Variants in OR56A3 observed in about 807,000 individuals in gnomAD.
The protein encoded by OR56A3 is olfactory receptor 56A3.
In OR56A3, 23 loss-of-function variants were observed where a neutral mutation model predicts 17.5. That is an observed-to-expected ratio of 1.32 (90% CI 0.95 to 1.87). The LOEUF is 1.87. Among genes scored for constraint, OR56A3 ranks in the 40% most tolerant of loss-of-function variants. OR56A3 has a pLI of 0.00. For synonymous variants in OR56A3, 175 were observed against 150.6 expected (o/e 1.16, Z -1.19); for missense variants, 366 against 380.1 (o/e 0.96, Z 0.31).
chr11:5,977,263 G>A, the OR56A3 span, among the ~76,000 whole-genome samples: 1 of 152,060 alleles, frequency 6.6e-6, no homozygotes, highest in Non-Finnish European at 1.5e-5. Context: ...TTGTAGTTCT[G>A]TACTATGTTC....
the OR56A3 span, among the ~76,000 whole-genome samples, chr11:5,960,987 C>A: frequency 6.6e-6 from 1 of 151,230 alleles, no homozygotes; most frequent in Non-Finnish European, 1.5e-5. Flanking sequence ...CGTCTCTGAC[C>A]GGCCGCCCCA....
the OR56A3 span, chr11:5,968,228 C>G: frequency 6.2e-7 from 1 of 1,614,080 alleles, no homozygotes; most frequent in Non-Finnish European, 8.5e-7. Flanking sequence ...TGAGGTCAAA[C>G]CAGAAGATGG....
chr11:6,003,647 A>G, the OR56A3 span, among the ~76,000 whole-genome samples: 3 of 152,220 alleles, frequency 2.0e-5, no homozygotes, highest in African/African-American at 7.2e-5. Context: ...AAACTCAGGG[A>G]GACATGGAGA....
the OR56A3 span, among the ~76,000 whole-genome samples, chr11:6,016,222 G>T: frequency 6.6e-6 from 1 of 152,188 alleles, no homozygotes; most frequent in Non-Finnish European, 1.5e-5. Flanking sequence ...TAAGATGGCT[G>T]CTTCTGTTTT....
the OR56A3 span, among the ~76,000 whole-genome samples, chr11:5,970,054 G>A: frequency 1.3e-5 from 2 of 152,198 alleles, no homozygotes; most frequent in African/African-American, 4.8e-5. Flanking sequence ...GATATATGTT[G>A]TGGAGGCAGA....
downstream of OR56A3, among the ~76,000 whole-genome samples, chr11:5,955,842 T>C (rs193063019): frequency 1.3e-5 from 2 of 152,242 alleles, no homozygotes; most frequent in African/African-American, 4.8e-5. Flanking sequence ...ATTATTTGGA[T>C]AAAGCACAGC....
the OR56A3 span, among the ~76,000 whole-genome samples, chr11:5,965,829 G>A: frequency 6.6e-6 from 1 of 152,140 alleles, no homozygotes; most frequent in East Asian, 1.9e-4. Context: ...CTCATAAGAT[G>A]GGCATAATTT....
the OR56A3 span, chr11:6,021,167 T>A: frequency 6.6e-6 from 1 of 152,056 alleles, no homozygotes; most frequent in African/African-American, 2.4e-5. Context: ...CACATTGAAC[T>A]GACCTGATAC....
the OR56A3 span, among the ~76,000 whole-genome samples, chr11:5,983,502 T>G: frequency 1.3e-5 from 2 of 150,788 alleles, no homozygotes; most frequent in East Asian, 3.9e-4. Context: ...CTGCTCCCCA[T>G]GCCTTTCTAA....
At chr11:6,014,730 A>G in the OR56A3 span, among the ~76,000 whole-genome samples, 1 of 152,162 alleles carries the variant, frequency 6.6e-6, no homozygotes, top group Non-Finnish European at 1.5e-5. Flanking sequence ...GATTTGTTAA[A>G]TTTTTGTGAG....
At chr11:5,986,875 C>T in the OR56A3 span, 1 of 1,613,812 alleles carries the variant, frequency 6.2e-7, no homozygotes, top group Non-Finnish European at 8.5e-7. Flanking sequence ...GCTTGAATTG[C>T]TAAGGAGCAT....
At chr11:6,015,859 T>A in the OR56A3 span, among the ~76,000 whole-genome samples, 1 of 152,196 alleles carries the variant, frequency 6.6e-6, no homozygotes, top group Non-Finnish European at 1.5e-5. Flanking sequence ...AATGTGACTT[T>A]GGACTTTGGA....
Position 5,948,968 on chromosome 11 carries a change from T to C in OR56A3, c.*674T>C, listed in dbSNP as rs1218214748. On this transcript the variant is annotated 3_prime_UTR_variant, in exon 3 of 3. Coordinates refer to ENST00000641160, the MANE Select transcript of OR56A3 (RefSeq NM_001003443.3). ...AATGAGTTTTACTGGATATATGAGA[T>C]TCTTGAATCCTCTTCCCCAATGTGT... is the stretch of plus-strand genomic sequence containing the variant. 6.6e-6 allele frequency: 1 copy of C among 152,290 alleles called. No individual in the cohort carries two copies. The highest frequency in any genetic ancestry group is 2.4e-5 in the African/African-American group (1 of 41,452). The allele number at this position is 152,290 out of a possible 1,614,324, so 9.4% of individuals were successfully genotyped here.
At chr11:5,989,831 T>G in the OR56A3 span, among the ~76,000 whole-genome samples, 2 of 152,228 alleles carry the variant, frequency 1.3e-5, no homozygotes, top group African/African-American at 2.4e-5. Flanking sequence ...GAGGTCCCGC[T>G]ATGATTCTTA....
At chr11:6,017,447 A>G in the OR56A3 span, among the ~76,000 whole-genome samples, 2 of 152,214 alleles carry the variant, frequency 1.3e-5, no homozygotes, top group Admixed American at 6.5e-5. Context: ...CTAAGGGAGC[A>G]TCTGTCAGAT....
At chr11:5,981,175 G>T in the OR56A3 span, among the ~76,000 whole-genome samples, 11 of 152,214 alleles carry the variant, frequency 7.2e-5, no homozygotes, top group Non-Finnish European at 1.5e-5. Context: ...TCTCACTGGG[G>T]TTCTCTGCAT....
chr11:5,946,016 A>C (rs1179320669), intron 2 of OR56A3, among the ~76,000 whole-genome samples: 1 of 152,226 alleles, frequency 6.6e-6, no homozygotes, highest in Non-Finnish European at 1.5e-5. Context: ...CCCAGTAGAC[A>C]GAAATATGCA....
chr11:6,007,549 A>T, the OR56A3 span, among the ~76,000 whole-genome samples: 7 of 152,300 alleles, frequency 4.6e-5, no homozygotes, highest in East Asian at 1.3e-3. Context: ...GTATCAAAAC[A>T]TCACTTTTTA....
the OR56A3 span, among the ~76,000 whole-genome samples, chr11:5,965,073 A>G: frequency 1.3e-5 from 2 of 152,204 alleles, no homozygotes; most frequent in African/African-American, 4.8e-5. Context: ...GGAGGAAAAA[A>G]TTATCCATTT....
Sources: allele counts gnomAD v4.1 joint callset (sites outside exome capture counted in the v4.1 genomes callset), GRCh38; gene constraint gnomAD v4.1.1; transcripts MANE v1.5; gene names NCBI Gene and HGNC (gene_info 2026-07-23, HGNC 2026-07-21).